CFAP20DC: variants seen among roughly 807,000 people sequenced by gnomAD.
CFAP20DC encodes protein CFAP20DC.
Under a neutral mutation model 101.7 loss-of-function variants are expected in CFAP20DC, and 84 were observed. The ratio of observed to expected loss-of-function variants is 0.83; its 90% CI spans 0.69 to 0.99. The LOEUF is 0.99. CFAP20DC is among the 50% of genes least tolerant of loss of function. The pLI, the probability that CFAP20DC is intolerant of heterozygous loss-of-function variation, is 0.00. For synonymous variants in CFAP20DC, 359 were observed against 351.2 expected (o/e 1.02, Z -0.25); for missense variants, 1,007 against 970.3 (o/e 1.04, Z -0.50).
In CFAP20DC at chr3:58,788,993, C is replaced by T. The variant is rs2072621652; in HGVS notation, c.2237+17402G>A. 6.6e-6 allele frequency among the ~76,000 whole-genome samples: 1 copy of T among 152,048 alleles called. No homozygotes were observed. Among genetic ancestry groups the T allele is most frequent in the Admixed American group, 6.6e-5 (1 of 15,252 alleles). On this transcript the variant is annotated intron_variant, in intron 15 of 16. Coordinates refer to ENST00000482387, the MANE Select transcript of CFAP20DC (RefSeq NM_001394063.1). This position sits in a 1 kb window ranked among gnomAD's most constrained non-coding sequence, Gnocchi z 4.2. ...GTAAGGGAACCCATATAGTTCAAACCCATGTTGTTCAAGGGTCAACTGTAA... is the reference window on the plus strand; with the variant it reads ...GTAAGGGAACCCATATAGTTCAAACTCATGTTGTTCAAGGGTCAACTGTAA...
At chr3:58,993,778 C>T (rs2093018115) in intron 4 of CFAP20DC, among the ~76,000 whole-genome samples, 1 of 152,174 alleles carries the variant, frequency 6.6e-6, no homozygotes, top group Non-Finnish European at 1.5e-5. Flanking sequence ...CTTTTTATGG[C>T]TGCATAGTAT....
At chr3:59,042,727 G>C (rs1182824839) in intron 3 of CFAP20DC, among the ~76,000 whole-genome samples, 1 of 152,074 alleles carries the variant, frequency 6.6e-6, no homozygotes, top group Non-Finnish European at 1.5e-5. Flanking sequence ...TTTGACAATA[G>C]ACTGTAATAC....
chr3:59,042,474 A>T (rs1248657144), intron 3 of CFAP20DC, among the ~76,000 whole-genome samples: 1 of 152,040 alleles, frequency 6.6e-6, no homozygotes, highest in Admixed American at 6.6e-5. Context: ...CAGTCTGTGC[A>T]TGGGTGCCAA....
At chr3:58,843,009 C>CTGTA (rs2077281369) in intron 13 of CFAP20DC, among the ~76,000 whole-genome samples, 1 of 152,200 alleles carries the variant, frequency 6.6e-6, no homozygotes, top group African/African-American at 2.4e-5. Flanking sequence ...GAAAACCCAT[C>CTGTA]TGTACATCAC....
intron 4 of CFAP20DC, among the ~76,000 whole-genome samples, chr3:58,957,032 C>T (rs1171364564): frequency 6.6e-6 from 1 of 152,060 alleles, no homozygotes; most frequent in East Asian, 1.9e-4. Flanking sequence ...CACAGCCAAA[C>T]CATATCAGGA....
intron 6 of CFAP20DC, among the ~76,000 whole-genome samples, chr3:58,907,435 T>C (rs1366977288): frequency 2.6e-5 from 4 of 152,216 alleles, no homozygotes; most frequent in Admixed American, 2.6e-4. Flanking sequence ...AAGCAGGGGC[T>C]GCATCATCCC....
intron 5 of CFAP20DC, among the ~76,000 whole-genome samples, chr3:58,931,628 T>C (rs1330282589): frequency 6.6e-6 from 1 of 152,208 alleles, no homozygotes; most frequent in Admixed American, 6.5e-5. Context: ...AAATCTGCTG[T>C]TCTGCAGCCA....
Position 58,913,998 on chromosome 3 carries a change from AG to A in CFAP20DC, c.394-135del. On this transcript the variant is annotated intron_variant, in intron 5 of 16. Coordinates refer to ENST00000482387, the MANE Select transcript of CFAP20DC (RefSeq NM_001394063.1). This position sits in a 1 kb window ranked among gnomAD's most constrained non-coding sequence, Gnocchi z 4.4. ...AAGCCCCAAACTAATTTTCCTCTTTAGGTAAACTTATCTCTGTTTTGGCTTA... is the reference window on the plus strand; with the variant it reads ...AAGCCCCAAACTAATTTTCCTCTTTAGTAAACTTATCTCTGTTTTGGCTTA... The A allele has an allele frequency of 1.1e-6, 1 of 870,282 alleles. No individual in the cohort carries two copies. The highest frequency in any genetic ancestry group is 1.7e-6 in the Non-Finnish European group (1 of 573,038). 53.9% of individuals were successfully genotyped at this position (870,282 alleles called of 1,614,324 possible). A position where few individuals can be genotyped will look rare whatever the true frequency, so the allele number is the denominator to read the frequency against.
intron 4 of CFAP20DC, among the ~76,000 whole-genome samples, chr3:58,951,084 C>A (rs1359474164): frequency 1.3e-5 from 2 of 151,886 alleles, no homozygotes; most frequent in Non-Finnish European, 2.9e-5. Context: ...ACCCCATCAA[C>A]AAGTGGGTGA....
At chr3:58,889,788 A>C (rs1365947551) in intron 6 of CFAP20DC, among the ~76,000 whole-genome samples, 1 of 135,298 alleles carries the variant, frequency 7.4e-6, no homozygotes, top group Admixed American at 7.6e-5. Context: ...CATGTGTTTA[A>C]CAAAGCACAT....
chr3:58,821,522 C>G (rs2075643919), intron 14 of CFAP20DC, among the ~76,000 whole-genome samples: 2 of 151,406 alleles, frequency 1.3e-5, no homozygotes, highest in South Asian at 4.2e-4. Flanking sequence ...GACATTTATG[C>G]AGCCAAAAAA....
At chr3:59,021,673 G>A (rs1390689429) in intron 4 of CFAP20DC, among the ~76,000 whole-genome samples, 1 of 152,114 alleles carries the variant, frequency 6.6e-6, no homozygotes, top group Non-Finnish European at 1.5e-5. Context: ...ATGAGATAGA[G>A]TGATGTACTG....
At chr3:59,012,885 A>G (rs2093616186) in intron 4 of CFAP20DC, among the ~76,000 whole-genome samples, 1 of 152,168 alleles carries the variant, frequency 6.6e-6, no homozygotes, top group Non-Finnish European at 1.5e-5. Flanking sequence ...TTTGTATGTA[A>G]TGTGGTTTAT....
chr3:58,855,877 C>T (rs1350336553), intron 12 of CFAP20DC, among the ~76,000 whole-genome samples: 1 of 149,442 alleles, frequency 6.7e-6, no homozygotes, highest in Non-Finnish European at 1.5e-5. Context: ...GGAGATATAC[C>T]TAATGCTAGA....
chr3:58,762,244 A>T (rs2069695918), intron 15 of CFAP20DC, among the ~76,000 whole-genome samples: 1 of 152,196 alleles, frequency 6.6e-6, no homozygotes, highest in Non-Finnish European at 1.5e-5. Context: ...ATATATATTT[A>T]GGATAGTTAG....
Position 58,867,829 on chromosome 3 carries a change from C to A in CFAP20DC, c.1123G>T (p.Glu375Ter), listed in dbSNP as rs1386233275. The A allele has an allele frequency of 5.0e-6, 8 of 1,613,622 alleles. No homozygotes were observed. The highest frequency in any genetic ancestry group is 6.8e-6 in the Non-Finnish European group (8 of 1,179,610). Residue 375 changes from glutamate (E) to a stop codon, truncating the protein, a stop_gained, in exon 10 of 17, where the codon GAG (glutamate) becomes TAG (stop). Coordinates refer to ENST00000482387, the MANE Select transcript of CFAP20DC (RefSeq NM_001394063.1). LOFTEE classifies it high-confidence loss of function. ...RLKSTSRERT[E>*]TPSGSSSGNN... is the part of the protein sequence containing the mutation. ...AATAGTGCCATACCGCTGGGTGTCT[C>A]TGTCCTTTCTCTGCTGGTACTTTTT...
intron 14 of CFAP20DC, among the ~76,000 whole-genome samples, chr3:58,829,161 G>A (rs1421116896): frequency 6.6e-6 from 1 of 151,842 alleles, no homozygotes; most frequent in Non-Finnish European, 1.5e-5. Flanking sequence ...GTGAAATCCT[G>A]TCTCTACTAA....
At chr3:59,021,616 A>G (rs578262134) in intron 4 of CFAP20DC, among the ~76,000 whole-genome samples, 1 of 152,240 alleles carries the variant, frequency 6.6e-6, no homozygotes, top group African/African-American at 2.4e-5. Context: ...TTATTATTTC[A>G]AATCTCTGAA....
At chr3:58,793,280 C>G (rs1391560864) in intron 15 of CFAP20DC, among the ~76,000 whole-genome samples, 1 of 152,134 alleles carries the variant, frequency 6.6e-6, no homozygotes, top group African/African-American at 2.4e-5. Context: ...GTGACAGATT[C>G]ATTCCTTTCC....
Sources: allele counts gnomAD v4.1 joint callset (sites outside exome capture counted in the v4.1 genomes callset), GRCh38; gene constraint gnomAD v4.1.1; non-coding constraint Gnocchi (gnomAD v3.1); transcripts MANE v1.5; gene names NCBI Gene and HGNC (gene_info 2026-07-23, HGNC 2026-07-21).